Variants in KSR2 observed in about 807,000 individuals in gnomAD.
The protein encoded by KSR2 is kinase suppressor of ras 2.
KSR2 carries 25 observed loss-of-function variants against 107.8 expected under a neutral mutation model. The ratio of observed to expected loss-of-function variants is 0.23; its 90% confidence interval spans 0.17 to 0.32. The LOEUF (loss-of-function observed/expected upper bound fraction) is 0.32, where lower values mean the gene tolerates loss of function less well. Ranked by LOEUF, KSR2 falls within the 10% of genes least tolerant of loss-of-function variation. The probability of loss-of-function intolerance (pLI) is 1.00; values close to 1 mark genes in which losing one functional copy is unlikely to be tolerated. For missense variants in KSR2, 887 were observed against 1,268.9 expected (o/e 0.70, Z 4.57); for synonymous variants, 480 against 507.0 (o/e 0.95, Z 0.71).
chr12:117,570,699 A>G (rs575560585), intron 7 of KSR2, among the ~76,000 whole-genome samples: 1 of 152,332 alleles, frequency 6.6e-6, no homozygotes, highest in Admixed American at 6.5e-5. Flanking sequence ...TTCTAATTTG[A>G]AAGAATTCTC....
intron 3 of KSR2, among the ~76,000 whole-genome samples, chr12:117,822,185 T>C (rs1319881793): frequency 6.6e-6 from 1 of 152,206 alleles, no homozygotes; most frequent in East Asian, 1.9e-4. Flanking sequence ...GTTTAGCATA[T>C]CATCAAGAAA....
intron 1 of KSR2, among the ~76,000 whole-genome samples, chr12:117,949,002 G>A (rs547898757): frequency 1.3e-5 from 2 of 152,326 alleles, no homozygotes; most frequent in East Asian, 3.9e-4. Context: ...GCTGAGGCAG[G>A]AGAATCGCTT....
At chr12:117,642,282 C>T (rs755593128) in intron 5 of KSR2, among the ~76,000 whole-genome samples, 12 of 152,212 alleles carry the variant, frequency 7.9e-5, no homozygotes, top group Non-Finnish European at 1.5e-4. Flanking sequence ...ATCAATTCAT[C>T]CGTTTCCTCG....
chr12:117,471,179 C>A lies in KSR2; in HGVS notation c.2712+12G>T, dbSNP rs770903451. 1 of 1,613,594 alleles carries A rather than the reference C, an allele frequency of 6.2e-7. No individual in the cohort carries two copies. On this transcript the variant is annotated intron_variant, in intron 18 of 19. Transcript: ENST00000339824. The stretch of plus-strand genomic sequence containing the variant: ...CCTCATCCCCCAAGTCTGGACCTAT[C>A]TTGGGACTTACCGAGATTTCTTTTC...
chr12:117,687,971 T>A (rs183240194), intron 4 of KSR2, among the ~76,000 whole-genome samples: 1 of 152,250 alleles, frequency 6.6e-6, no homozygotes, highest in Non-Finnish European at 1.5e-5. Context: ...TCCCATAATA[T>A]CCCAAACAAG....
intron 4 of KSR2, among the ~76,000 whole-genome samples, chr12:117,673,949 G>T (rs574595983): frequency 2.6e-5 from 4 of 152,294 alleles, no homozygotes; most frequent in Non-Finnish European, 5.9e-5. Context: ...GTGTACCATG[G>T]TGCTTTCTGG....
At position 117,907,495 on chromosome 12, in the gene KSR2, G is replaced by A. The variant is rs149669857; in HGVS notation, c.181-47064C>T. Among the ~76,000 whole-genome samples the A allele has an allele frequency of 4.5e-4, 69 of 152,260 alleles. No individual in the cohort carries two copies. The highest frequency in any genetic ancestry group is 7.6e-4 in the Non-Finnish European group (52 of 68,026). On this transcript the variant is annotated intron_variant, in intron 1 of 19. Coordinates refer to ENST00000339824, the MANE Select transcript of KSR2 (RefSeq NM_173598.6). The surrounding 1 kb of genome is among the most constrained non-coding windows in gnomAD (Gnocchi z 4.3). Reference sequence around the variant, plus strand: ...CTGCACCCCTCTCCCAACACCATCCGCTAACTAATCTACGGGGCTGGATTG... The same window carrying A: ...CTGCACCCCTCTCCCAACACCATCCACTAACTAATCTACGGGGCTGGATTG...
chr12:117,793,914 CA>C (rs1890431455), intron 3 of KSR2, among the ~76,000 whole-genome samples: 1 of 141,064 alleles, frequency 7.1e-6, no homozygotes, highest in South Asian at 2.3e-4. Context: ...ACACTCACAC[CA>C]ACATGCACAC....
intron 12 of KSR2, among the ~76,000 whole-genome samples, chr12:117,527,950 AGTGTGTGTGTGTGTGTGTGTGT>A (rs10664320): frequency 2.1e-5 from 3 of 142,620 alleles, no homozygotes; most frequent in Non-Finnish European, 3.1e-5. Flanking sequence ...GGAAGACACA[AGTGTGTGTGTGTGTGTGTGTGT>A]GTGTGTGTGT....
chr12:117,677,267 A>C (rs1235402155), intron 4 of KSR2: 1 of 152,198 alleles, frequency 6.6e-6, no homozygotes, highest in Non-Finnish European at 1.5e-5. Flanking sequence ...CTAGGACTTC[A>C]GAATGTGGCT....
At chr12:117,867,974 C>T (rs77149794) in intron 1 of KSR2, among the ~76,000 whole-genome samples, 4,820 of 152,188 alleles carry the variant, frequency 0.032, 260 homozygotes, top group African/African-American at 0.11. Context: ...TTTCTTGGGA[C>T]TTTATAAATT....
chr12:117,542,677 T>TAGGG (rs1370762237), intron 9 of KSR2, among the ~76,000 whole-genome samples: 7 of 152,122 alleles, frequency 4.6e-5, no homozygotes, highest in African/African-American at 1.7e-4. Context: ...TTTTTTGAGA[T>TAGGG]AGAGTCTTGC....
intron 1 of KSR2, among the ~76,000 whole-genome samples, chr12:117,864,444 C>T (rs1400485979): frequency 6.6e-6 from 1 of 152,018 alleles, no homozygotes; most frequent in Non-Finnish European, 1.5e-5. Context: ...ATGCATTGCG[C>T]ACACACACAT....
Position 117,478,704 on chromosome 12 carries a change from C to T in KSR2, c.2451-2109G>A, listed in dbSNP as rs185082862. 3.8e-3 allele frequency among the ~76,000 whole-genome samples: 586 copies of T among 152,304 alleles called. 10 individuals are homozygous for T. The highest frequency in any genetic ancestry group is 5.6e-3 in the Non-Finnish European group (380 of 68,032). ...GGCCTCAAGGGATTGATCCTCCAAC[C>T]TCAGCCTCCCAAAGTATTGAGATTA... is the stretch of plus-strand genomic sequence containing the variant. On this transcript the variant is annotated intron_variant, in intron 16 of 19. Coordinates refer to ENST00000339824, the MANE Select transcript of KSR2 (RefSeq NM_173598.6).
chr12:117,943,884 T>C (rs1896091707), intron 1 of KSR2, among the ~76,000 whole-genome samples: 1 of 152,142 alleles, frequency 6.6e-6, no homozygotes, highest in Admixed American at 6.5e-5. Context: ...GATCTGATAA[T>C]TTTATAAGGG....
At position 117,453,349 on chromosome 12, in the gene KSR2, GAGAC is replaced by G. The variant is rs1431684150; in HGVS notation, c.*13846_*13849del. On this transcript the variant is annotated 3_prime_UTR_variant, in exon 20 of 20. Transcript: ENST00000339824. ...AGTGAGAAAGAGAGAGACAGAGACGGAGACAGACAGAGATAGAAACGGAAAGGAA... is the reference window on the plus strand; with the variant it reads ...AGTGAGAAAGAGAGAGACAGAGACGGAGACAGAGATAGAAACGGAAAGGAA... 2.6e-5 allele frequency: 4 copies of G among 152,612 alleles called. No homozygotes were observed. Among genetic ancestry groups the G allele is most frequent in the South Asian group, 2.1e-4 (1 of 4,810 alleles). The allele number at this position is 152,612 out of a possible 1,614,324, so 9.5% of individuals were successfully genotyped here. A position where few individuals can be genotyped will look rare whatever the true frequency, so the allele number is the denominator to read the frequency against.
Position 117,968,071 on chromosome 12 carries a change from C to T in KSR2, c.180+5G>A. Reference sequence around the variant, plus strand: ...TTTTTTTTTTTTCCCGTAGGCAACACCTACCTCCAGGGTCCGGATTTCTTT... The same window carrying T: ...TTTTTTTTTTTTCCCGTAGGCAACATCTACCTCCAGGGTCCGGATTTCTTT... On this transcript the variant is annotated splice_donor_5th_base_variant and intron_variant, in intron 1 of 19. Coordinates refer to ENST00000339824, the MANE Select transcript of KSR2 (RefSeq NM_173598.6). The T allele has an allele frequency of 9.2e-7, 1 of 1,089,652 alleles. No homozygotes were observed. The highest frequency in any genetic ancestry group is 1.4e-6 in the Non-Finnish European group (1 of 736,224). The allele number at this position is 1,089,652 out of a possible 1,614,324, so 67.5% of individuals were successfully genotyped here. A position where few individuals can be genotyped will look rare whatever the true frequency, so the allele number is the denominator to read the frequency against.
chr12:117,582,283 A>G lies in KSR2; in HGVS notation c.1241+7T>C, dbSNP rs1879711065. ...TAGGCACCAGTGCACACAGGAATCC[A>G]GCCTACCTGTGCTTGATGGAGTTGC... On this transcript the variant is annotated splice_region_variant and intron_variant, in intron 6 of 19. Transcript: ENST00000339824. 1 of 1,612,634 alleles carries G rather than the reference A, an allele frequency of 6.2e-7. No homozygotes were observed.
At chr12:117,776,522 A>G (rs1442664242) in intron 3 of KSR2, among the ~76,000 whole-genome samples, 1 of 152,204 alleles carries the variant, frequency 6.6e-6, no homozygotes, top group Non-Finnish European at 1.5e-5. Flanking sequence ...AATACTCAAG[A>G]TACCATCCTC....
Sources: gnomAD v4.1 joint callset for allele counts (sites outside exome capture counted in the v4.1 genomes callset) on GRCh38, gnomAD v4.1.1 for gene constraint, Gnocchi (gnomAD v3.1) non-coding constraint, MANE v1.5 for transcripts, NCBI Gene and HGNC (gene_info 2026-07-23, HGNC 2026-07-21) for gene names.